The following LOC128706665 variants were observed in gnomAD, a reference collection of about 807,000 sequenced individuals.
chr20:10,431,363 C>A, the LOC128706665 span, among the ~76,000 whole-genome samples: 1 of 152,084 alleles, frequency 6.6e-6, no homozygotes, highest in Non-Finnish European at 1.5e-5. Flanking sequence ...TTAATTCTAT[C>A]CAAATGCTCA....
the LOC128706665 span, among the ~76,000 whole-genome samples, chr20:10,433,689 G>A: frequency 1.3e-5 from 2 of 152,100 alleles, no homozygotes; most frequent in East Asian, 3.9e-4. Context: ...CGCCGTCGGA[G>A]GGCGGCCCCC....
chr20:10,433,782 G>A, the LOC128706665 span, among the ~76,000 whole-genome samples: 15 of 152,250 alleles, frequency 9.9e-5, no homozygotes, highest in Non-Finnish European at 4.4e-5. Context: ...GGAGGGGACG[G>A]GGAGTCACAG....
chr20:10,415,637 TA>T, the LOC128706665 span, among the ~76,000 whole-genome samples: 1 of 152,252 alleles, frequency 6.6e-6, no homozygotes, highest in African/African-American at 2.4e-5. Context: ...GAAATACATT[TA>T]AATGAAACCT....
the LOC128706665 span, chr20:10,413,863 T>C: frequency 1.5e-3 from 656 of 437,054 alleles, 2 homozygotes; most frequent in African/African-American, 0.011. Flanking sequence ...AGCCAGTTCT[T>C]TCTAATCCAA....
the LOC128706665 span, among the ~76,000 whole-genome samples, chr20:10,417,211 A>C: frequency 1.3e-5 from 2 of 150,744 alleles, no homozygotes; most frequent in Non-Finnish European, 2.9e-5. Flanking sequence ...ACATCACCCA[A>C]CTGCAGCCTG....
the LOC128706665 span, among the ~76,000 whole-genome samples, chr20:10,416,196 A>G: frequency 1.3e-5 from 2 of 152,218 alleles, no homozygotes; most frequent in Non-Finnish European, 2.9e-5. Context: ...TTAAAATAAC[A>G]GTAAAACTTG....
the LOC128706665 span, among the ~76,000 whole-genome samples, chr20:10,423,472 T>C: frequency 0.14 from 21,792 of 152,082 alleles, 1,755 homozygotes; most frequent in East Asian, 0.24. Flanking sequence ...AAGGATGTAA[T>C]AATAAAATTG....
At chr20:10,414,018 C>T in the LOC128706665 span, 1 of 389,752 alleles carries the variant, frequency 2.6e-6, no homozygotes, top group South Asian at 1.4e-4. Context: ...TAATGCTCTG[C>T]TGCCTTTTTA....
the LOC128706665 span, among the ~76,000 whole-genome samples, chr20:10,421,825 A>G: frequency 6.6e-6 from 1 of 151,886 alleles, no homozygotes; most frequent in Non-Finnish European, 1.5e-5. Context: ...AGTAGGGCCC[A>G]GAAAGATGCT....
At chr20:10,419,751 A>G in the LOC128706665 span, among the ~76,000 whole-genome samples, 9 of 152,236 alleles carry the variant, frequency 5.9e-5, no homozygotes, top group African/African-American at 2.2e-4. Flanking sequence ...GTAGACAGAC[A>G]AGGGAATGAC....
the LOC128706665 span, among the ~76,000 whole-genome samples, chr20:10,423,911 T>C: frequency 1.9e-3 from 287 of 152,338 alleles, 2 homozygotes; most frequent in African/African-American, 6.4e-3. Context: ...TAATGATTAA[T>C]TGCTTTAATG....
chr20:10,430,044 AACAAAAACAAAAAC>A, the LOC128706665 span, among the ~76,000 whole-genome samples: 1 of 151,920 alleles, frequency 6.6e-6, no homozygotes, highest in African/African-American at 2.4e-5. Flanking sequence ...AAAACAAAAA[AACAAAAACAAAAAC>A]AAATCTGGTT....
chr20:10,417,083 A>G, the LOC128706665 span, among the ~76,000 whole-genome samples: 2 of 152,078 alleles, frequency 1.3e-5, no homozygotes, highest in African/African-American at 4.8e-5. Flanking sequence ...CCCTGTCTCT[A>G]CTAAAAAAAT....
chr20:10,423,651 T>C, the LOC128706665 span, among the ~76,000 whole-genome samples: 1 of 152,350 alleles, frequency 6.6e-6, no homozygotes, highest in East Asian at 1.9e-4. Flanking sequence ...GTTAGCTCCC[T>C]ATAATACTTA....
At chr20:10,431,183 G>A in the LOC128706665 span, among the ~76,000 whole-genome samples, 1 of 152,060 alleles carries the variant, frequency 6.6e-6, no homozygotes, top group Non-Finnish European at 1.5e-5. Context: ...CACCCCTGGA[G>A]GTTCCTGCTT....
chr20:10,426,732 T>A, the LOC128706665 span, among the ~76,000 whole-genome samples: 1 of 152,152 alleles, frequency 6.6e-6, no homozygotes. Flanking sequence ...GTCAGGTATA[T>A]AAAAGGTTAA....
the LOC128706665 span, among the ~76,000 whole-genome samples, chr20:10,418,685 T>C: frequency 6.6e-6 from 1 of 152,168 alleles, no homozygotes; most frequent in Admixed American, 6.6e-5. Flanking sequence ...TCCAAGAGTA[T>C]TTCTTTTTGC....
chr20:10,428,239 C>T, the LOC128706665 span, among the ~76,000 whole-genome samples: 1 of 152,146 alleles, frequency 6.6e-6, no homozygotes, highest in Non-Finnish European at 1.5e-5. Context: ...TGTTTTTACA[C>T]CCTGGCTGCC....
At chr20:10,422,485 G>A in the LOC128706665 span, among the ~76,000 whole-genome samples, 1 of 152,104 alleles carries the variant, frequency 6.6e-6, no homozygotes, top group Non-Finnish European at 1.5e-5. Context: ...ACTGGGGGAG[G>A]AATTTAGAGT....
Sources: gnomAD v4.1 joint callset for allele counts (sites outside exome capture counted in the v4.1 genomes callset) on GRCh38, gnomAD v4.1.1 for gene constraint, MANE v1.5 for transcripts.